FGFR2: variants seen among roughly 807,000 people sequenced by gnomAD.
FGFR2 encodes the protein fibroblast growth factor receptor 2.
FGFR2 carries 19 observed loss-of-function variants against 95.9 expected under a neutral mutation model. That is an observed-to-expected ratio of 0.20 (90% confidence interval 0.14 to 0.29). FGFR2 has a LOEUF of 0.29. FGFR2 is among the 10% of genes least tolerant of loss of function. The probability of loss-of-function intolerance (pLI) is 1.00; values close to 1 mark genes in which losing one functional copy is unlikely to be tolerated. For missense variants in FGFR2, 707 were observed against 1,056.9 expected (o/e 0.67, Z 4.59); for synonymous variants, 392 against 393.3 (o/e 1.00, Z 0.04).
At chr10:121,563,564 A>C (rs1346183371) in intron 4 of FGFR2, among the ~76,000 whole-genome samples, 3 of 152,198 alleles carry the variant, frequency 2.0e-5, no homozygotes, top group Non-Finnish European at 2.9e-5. Flanking sequence ...AATGCAAGTA[A>C]TGCTATATTG....
intron 4 of FGFR2, among the ~76,000 whole-genome samples, chr10:121,560,609 C>A (rs1249453076): frequency 9.1e-6 from 1 of 110,200 alleles, no homozygotes; most frequent in African/African-American, 3.5e-5. Flanking sequence ...AGCAAGACTC[C>A]GTCCCCAAAA....
intron 1 of FGFR2, chr10:121,594,245 GGCAATGT>G (rs1393336998): frequency 2.6e-6 from 1 of 385,086 alleles, no homozygotes; most frequent in Non-Finnish European, 4.8e-6. Flanking sequence ...ACTTCAGTGA[GGCAATGT>G]GTGCTCTCTT....
chr10:121,571,718 C>T (rs540451889), intron 2 of FGFR2, among the ~76,000 whole-genome samples: 2 of 151,366 alleles, frequency 1.3e-5, no homozygotes, highest in East Asian at 2.0e-4. Context: ...CCGAAGCGGG[C>T]GGATCACCTG....
At chr10:121,538,809 CAAGAAAGGT>C in intron 5 of FGFR2, 94 bp from the exon 6 acceptor site, 2 of 1,543,576 alleles carry the variant, frequency 1.3e-6, no homozygotes, top group Non-Finnish European at 1.8e-6. Context: ...CTGAAGGAGG[CAAGAAAGGT>C]ATGGAAGAAT....
chr10:121,508,011 G>A (rs559839122), intron 9 of FGFR2, among the ~76,000 whole-genome samples: 6 of 152,290 alleles, frequency 3.9e-5, no homozygotes, highest in South Asian at 2.1e-4. Context: ...TTTACAACGC[G>A]TTAGTTATTA....
At chr10:121,528,705 T>A (rs972159912) in intron 6 of FGFR2, among the ~76,000 whole-genome samples, 1 of 152,080 alleles carries the variant, frequency 6.6e-6, no homozygotes, top group Admixed American at 6.5e-5. Context: ...AAACTGAAAA[T>A]AATCACGGTT....
intron 4 of FGFR2, among the ~76,000 whole-genome samples, chr10:121,561,299 C>G (rs1051754420): frequency 1.4e-4 from 22 of 151,826 alleles, no homozygotes; most frequent in Admixed American, 1.2e-3. Context: ...TAGCATGTAC[C>G]TGTAATCCCA....
At position 121,564,604 on chromosome 10, in the gene FGFR2, T is replaced by C. The variant is rs772210783; in HGVS notation, c.377-25A>G. 8.1e-6 allele frequency: 13 copies of C among 1,606,938 alleles called. No homozygotes were observed. The Admixed American group carries it at 1.7e-4, about 21-fold the overall frequency. Reference sequence around the variant, plus strand: ...TCTGTATGCAAAAGAACATATTCCATGGATGTGTTTTTTGCAAAGCAAAAA... The same window carrying C: ...TCTGTATGCAAAAGAACATATTCCACGGATGTGTTTTTTGCAAAGCAAAAA... On this transcript the variant is annotated intron_variant, in intron 3 of 17. Coordinates refer to ENST00000358487, the MANE Select transcript of FGFR2 (RefSeq NM_000141.5).
Position 121,558,128 on chromosome 10 carries a change from G to A in FGFR2, c.454+6374C>T, listed in dbSNP as rs77906560. Among the ~76,000 whole-genome samples the A allele has an allele frequency of 4.5e-3, 691 of 152,094 alleles. 6 individuals carry two copies. Among genetic ancestry groups the A allele is most frequent in the African/African-American group, 0.015 (627 of 41,498 alleles). ...AAGCTCTTCAGAAACATTAATCACCGAAACAAGCTGGAAACAATAAAAATC... is the reference window on the plus strand; with the variant it reads ...AAGCTCTTCAGAAACATTAATCACCAAAACAAGCTGGAAACAATAAAAATC... On this transcript the variant is annotated intron_variant, in intron 4 of 17. Transcript: ENST00000358487.
At chr10:121,591,665 C>T (rs778454934) in intron 2 of FGFR2, among the ~76,000 whole-genome samples, 1 of 152,200 alleles carries the variant, frequency 6.6e-6, no homozygotes, top group East Asian at 1.9e-4. Context: ...TCTAAGACAT[C>T]TTTTCTTTTC....
At chr10:121,482,124 A>C (rs769719941) in intron 17 of FGFR2, 2 of 1,599,266 alleles carry the variant, frequency 1.3e-6, no homozygotes, top group East Asian at 4.5e-5. Flanking sequence ...GGCATGAGCC[A>C]CTGCGCCTGA....
rs372796437 is a variant in FGFR2, at chr10:121,485,210, A to C, written c.2195+185T>G. On this transcript the variant is annotated intron_variant, in intron 16 of 17. Transcript: ENST00000358487. The surrounding 1 kb of genome is among the most constrained non-coding windows in gnomAD (Gnocchi z 4.2). ...TACTCAGAATAATGTTCTTTCTCTCAGACAAGTAATGGTTGTCGGTGTCGC... is the reference window on the plus strand; with the variant it reads ...TACTCAGAATAATGTTCTTTCTCTCCGACAAGTAATGGTTGTCGGTGTCGC... Among the ~76,000 whole-genome samples the C allele has an allele frequency of 2.7e-4, 41 of 152,094 alleles. No homozygotes were observed. The highest frequency in any genetic ancestry group is 6.8e-3 in the Middle Eastern group (2 of 294).
At chr10:121,519,186 T>G (rs41295551) in intron 7 of FGFR2, among the ~76,000 whole-genome samples, 1,673 of 152,278 alleles carry the variant, frequency 0.011, 41 homozygotes, top group African/African-American at 0.038. Context: ...AATGTTCTTC[T>G]TAAGGACATT....
At chr10:121,580,648 G>A (rs1860709666) in intron 2 of FGFR2, among the ~76,000 whole-genome samples, 1 of 152,170 alleles carries the variant, frequency 6.6e-6, no homozygotes, top group South Asian at 2.1e-4. Context: ...CGGAGCCACA[G>A]GGATCACTTT....
Position 121,536,708 on chromosome 10 carries a change from C to T in FGFR2, c.748+1884G>A, listed in dbSNP as rs192151048. Among the ~76,000 whole-genome samples, 4 of 152,246 alleles carry T rather than the reference C, an allele frequency of 2.6e-5. No homozygotes were observed. In the East Asian group the frequency reaches 7.7e-4, roughly 29 times the overall value. ...CTTTTGAATGTTTTACATAACAACTCAACCTAAAACTTGCTTTAAGCAAGA... is the reference window on the plus strand; with the variant it reads ...CTTTTGAATGTTTTACATAACAACTTAACCTAAAACTTGCTTTAAGCAAGA... On this transcript the variant is annotated intron_variant, in intron 6 of 17. Coordinates refer to ENST00000358487, the MANE Select transcript of FGFR2 (RefSeq NM_000141.5).
intron 8 of FGFR2, among the ~76,000 whole-genome samples, chr10:121,516,972 T>A (rs1337928099): frequency 6.6e-6 from 1 of 152,190 alleles, no homozygotes; most frequent in Non-Finnish European, 1.5e-5. Flanking sequence ...AAATGGAATT[T>A]GAAATGAGAA....
chr10:121,595,064 T>A (rs1464300817), intron 1 of FGFR2, among the ~76,000 whole-genome samples: 1 of 152,184 alleles, frequency 6.6e-6, no homozygotes, highest in Admixed American at 6.5e-5. Context: ...AGAGAATGAT[T>A]AAAACAATCA....
In FGFR2 at chr10:121,487,983, C is replaced by G. The variant is rs191042642; in HGVS notation, c.1986+8G>C. On this transcript the variant is annotated splice_region_variant and intron_variant, in intron 14 of 17. Transcript: ENST00000358487. ...CCCCTGCCCACTGTGTTACTGCCAT[C>G]GACTTACATTGGTGGTCTTTTTGTA... 1.9e-6 allele frequency: 3 copies of G among 1,614,006 alleles called. No individual in the cohort carries two copies. Among genetic ancestry groups the G allele is most frequent in the Non-Finnish European group, 2.5e-6 (3 of 1,179,962 alleles).
chr10:121,551,248 C>T (rs1855365720), intron 5 of FGFR2, 42 bp downstream of exon 5: 1 of 1,606,894 alleles, frequency 6.2e-7, no homozygotes, highest in Non-Finnish European at 8.5e-7. Context: ...AATAAATAAA[C>T]AAAAATGTAA....
Sources: allele counts gnomAD v4.1 joint callset (sites outside exome capture counted in the v4.1 genomes callset), GRCh38; gene constraint gnomAD v4.1.1; non-coding constraint Gnocchi (gnomAD v3.1); transcripts MANE v1.5; gene names NCBI Gene and HGNC (gene_info 2026-07-23, HGNC 2026-07-21).